Variants in RYR2 observed in about 807,000 individuals in gnomAD.
RYR2 encodes the protein ryanodine receptor 2, also known as cardiac muscle ryanodine receptor-calcium release channel.
A neutral mutation model predicts 601.1 loss-of-function variants in RYR2; 227 were observed. That is an observed-to-expected ratio of 0.38 (90% CI 0.34 to 0.42). The LOEUF (loss-of-function observed/expected upper bound fraction) is 0.42, where lower values mean the gene tolerates loss of function less well. Among genes scored for constraint, RYR2 ranks in the 10% least tolerant of loss-of-function variants. The pLI, the probability that RYR2 is intolerant of heterozygous loss-of-function variation, is 1.00. For synonymous variants in RYR2, 2,223 were observed against 2,175.1 expected (o/e 1.02, Z -0.61); for missense variants, 4,646 against 6,156.5 (o/e 0.75, Z 8.21).
intron 1 of RYR2, among the ~76,000 whole-genome samples, chr1:237,127,685 G>A (rs1166446809): frequency 1.1e-4 from 16 of 149,878 alleles, no homozygotes; most frequent in African/African-American, 3.2e-4. Context: ...GCCGGGCAGA[G>A]ATGCTCCTCA....
chr1:237,434,484 T>G (rs113322534), intron 12 of RYR2, among the ~76,000 whole-genome samples: 4,365 of 152,350 alleles, frequency 0.029, 85 homozygotes, highest in Middle Eastern at 0.065. Context: ...CTTAGAAATA[T>G]TCTTCACTTT....
At chr1:237,631,376 T>C in intron 41 of RYR2, 51 bp from the exon 42 acceptor site, 1 of 1,113,436 alleles carries the variant, frequency 9.0e-7, no homozygotes. Context: ...CTTGGTTAAC[T>C]ATTTAGATGT....
At chr1:237,224,057 G>A (rs543913459) in intron 1 of RYR2, among the ~76,000 whole-genome samples, 55 of 152,092 alleles carry the variant, frequency 3.6e-4, no homozygotes, top group Non-Finnish European at 6.5e-4. Context: ...CATCTTGTGG[G>A]ACAAGATAAT....
chr1:237,654,351 A>C lies in RYR2; in HGVS notation c.7902A>C (p.Ser2634=). 1 of 1,613,998 alleles carries C rather than the reference A, an allele frequency of 6.2e-7. No individual in the cohort carries two copies. The highest frequency in any genetic ancestry group is 8.5e-7 in the Non-Finnish European group (1 of 1,179,860). Residue 2634 remains serine (S), a synonymous_variant, in exon 52 of 105, where the codon TCA becomes TCC. Coordinates refer to ENST00000366574, the MANE Select transcript of RYR2 (RefSeq NM_001035.3). ...PGGWGNFGAA[S]EEELHLSRKL... Reference sequence around the variant, plus strand: ...GGTGGGGAAACTTTGGTGCTGCCTCAGAAGAAGAACTTCATTTATCAAGAA... The same window carrying C: ...GGTGGGGAAACTTTGGTGCTGCCTCCGAAGAAGAACTTCATTTATCAAGAA...
chr1:237,561,347 A>G (rs1322862568), intron 27 of RYR2, among the ~76,000 whole-genome samples: 1 of 152,238 alleles, frequency 6.6e-6, no homozygotes, highest in East Asian at 1.9e-4. Flanking sequence ...AGTGATCTGT[A>G]TGGAAAAGAC....
At chr1:237,581,839 C>T (rs1031614556) in intron 29 of RYR2, among the ~76,000 whole-genome samples, 2 of 152,148 alleles carry the variant, frequency 1.3e-5, no homozygotes, top group Non-Finnish European at 1.5e-5. Context: ...AAAATCAACA[C>T]TTGTCAGAGG....
chr1:237,655,667 C>T (rs1683173216), intron 52 of RYR2, among the ~76,000 whole-genome samples, 154 bp from the exon 53 acceptor site: 1 of 152,050 alleles, frequency 6.6e-6, no homozygotes, highest in Non-Finnish European at 1.5e-5. Flanking sequence ...GTTTTAGGCC[C>T]TGTGTTTCAT....
chr1:237,784,765 G>A lies in RYR2; in HGVS notation c.13053G>A (p.Arg4351=). The stretch of plus-strand genomic sequence containing the variant: ...GAGGAGATGGGGAGGAGGGAGAGAG[G>A]AAACCCCTGGAAGCCGCCCTGCCCT... ...EVRGDGEEGE[R]KPLEAALPSE... Residue 4351 remains arginine, a synonymous_variant, in exon 90 of 105, where the codon AGG becomes AGA. Transcript: ENST00000366574. The surrounding 1 kb of genome is among the most constrained non-coding windows in gnomAD (Gnocchi z 7.1). The A allele has an allele frequency of 6.2e-7, 1 of 1,603,392 alleles. No individual in the cohort carries two copies. The highest frequency in any genetic ancestry group is 8.5e-7 in the Non-Finnish European group (1 of 1,173,844).
At position 237,594,910 on chromosome 1, in the gene RYR2, T is replaced by G. The variant is rs937791037; in HGVS notation, c.4437-588T>G. On this transcript the variant is annotated intron_variant, in intron 33 of 104. Coordinates refer to ENST00000366574, the MANE Select transcript of RYR2 (RefSeq NM_001035.3). Reference sequence around the variant, plus strand: ...GGTTTTTTTTTTTTTTTTTTTTTTTTTTTTTTTTTTTTTTTTTTTTTGCAT... The same window carrying G: ...GGTTTTTTTTTTTTTTTTTTTTTTTGTTTTTTTTTTTTTTTTTTTTTGCAT... 4.7e-3 allele frequency among the ~76,000 whole-genome samples: 540 copies of G among 114,404 alleles called. 11 individuals carry two copies. The highest frequency in any genetic ancestry group is 0.014 in the South Asian group (40 of 2,890). 75.1% of individuals were successfully genotyped at this position (114,404 alleles called of 152,430 possible). A position where few individuals can be genotyped will look rare whatever the true frequency, so the allele number is the denominator to read the frequency against.
chr1:237,574,927 A>G (rs1673076126), intron 29 of RYR2, among the ~76,000 whole-genome samples: 1 of 152,206 alleles, frequency 6.6e-6, no homozygotes, highest in South Asian at 2.1e-4. Flanking sequence ...GAACTATGAG[A>G]TAAGAAATGA....
intron 1 of RYR2, among the ~76,000 whole-genome samples, chr1:237,082,135 A>T (rs1325137058): frequency 6.6e-6 from 1 of 152,122 alleles, no homozygotes; most frequent in Non-Finnish European, 1.5e-5. Context: ...GGCTGACATT[A>T]TTGATCATGT....
chr1:237,323,627 C>T lies in RYR2; in HGVS notation c.169-7251C>T, dbSNP rs181066579. Among the ~76,000 whole-genome samples, 16 of 152,262 alleles carry T rather than the reference C, an allele frequency of 1.1e-4. 1 individual carries two copies. Among genetic ancestry groups the T allele is most frequent in the Admixed American group, 3.3e-4 (5 of 15,294 alleles). Reference sequence around the variant, plus strand: ...GCATGTCAAGGAGCAAAATGAACACCGAGCAAACCATATGGGATGCTACGA... The same window carrying T: ...GCATGTCAAGGAGCAAAATGAACACTGAGCAAACCATATGGGATGCTACGA... On this transcript the variant is annotated intron_variant, in intron 2 of 104. Transcript: ENST00000366574.
chr1:237,429,298 C>G (rs747278829), intron 12 of RYR2, among the ~76,000 whole-genome samples: 1 of 152,092 alleles, frequency 6.6e-6, no homozygotes, highest in Non-Finnish European at 1.5e-5. Flanking sequence ...AGTCACTTGA[C>G]CAAGTGGCCG....
intron 24 of RYR2, among the ~76,000 whole-genome samples, chr1:237,527,014 G>T (rs75365715): frequency 1.3e-5 from 2 of 152,022 alleles, no homozygotes; most frequent in South Asian, 2.1e-4. Flanking sequence ...TCATTCTTCC[G>T]CATATGGCTA....
intron 98 of RYR2, among the ~76,000 whole-genome samples, chr1:237,802,815 A>G (rs1436812169): frequency 6.6e-6 from 1 of 152,180 alleles, no homozygotes; most frequent in African/African-American, 2.4e-5. Flanking sequence ...TTTTGCCCAG[A>G]TGCAGCTTCT....
At chr1:237,734,704 T>C (rs1690986015) in intron 79 of RYR2, among the ~76,000 whole-genome samples, 1 of 152,176 alleles carries the variant, frequency 6.6e-6, no homozygotes, top group Admixed American at 6.5e-5. Context: ...CTCACTTGGG[T>C]ACCATGTACT....
Position 237,500,109 on chromosome 1 carries a change from G to C in RYR2, c.2204-602G>C, listed in dbSNP as rs138476546. ...CTATAGTTGTCTCACAATAAGCAAC[G>C]TGCTGCAGGAATGAATGATCATATT... is the stretch of plus-strand genomic sequence containing the variant. On this transcript the variant is annotated intron_variant, in intron 20 of 104. Transcript: ENST00000366574. 1.7e-3 allele frequency among the ~76,000 whole-genome samples: 255 copies of C among 152,128 alleles called. 1 individual carries two copies. The highest frequency in any genetic ancestry group is 5.7e-3 in the African/African-American group (237 of 41,500).
intron 1 of RYR2, among the ~76,000 whole-genome samples, chr1:237,218,790 A>G (rs1683461837): frequency 6.6e-6 from 1 of 152,030 alleles, no homozygotes; most frequent in Non-Finnish European, 1.5e-5. Flanking sequence ...CCAGTTGAAT[A>G]TGGTAATCAA....
intron 1 of RYR2, among the ~76,000 whole-genome samples, chr1:237,108,950 C>T (rs1486251537): frequency 6.6e-6 from 1 of 152,148 alleles, no homozygotes; most frequent in Non-Finnish European, 1.5e-5. Context: ...TCATTGTGAG[C>T]ACACTTCAAT....
Sources: gnomAD v4.1 joint callset for allele counts (sites outside exome capture counted in the v4.1 genomes callset) on GRCh38, gnomAD v4.1.1 for gene constraint, Gnocchi (gnomAD v3.1) non-coding constraint, MANE v1.5 for transcripts, NCBI Gene and HGNC (gene_info 2026-07-23, HGNC 2026-07-21) for gene names.